Variants in CCDC25 observed in about 807,000 individuals in gnomAD.
CCDC25 encodes the protein coiled-coil domain-containing protein 25.
In CCDC25, 16 loss-of-function variants were observed where a neutral mutation model predicts 35.3. The observed-to-expected ratio is 0.45, with a 90% CI of 0.31 to 0.69. The LOEUF (loss-of-function observed/expected upper bound fraction) is 0.69. Among genes scored for constraint, CCDC25 ranks in the 30% least tolerant of loss-of-function variants. The pLI is 0.06. For missense variants in CCDC25, 179 were observed against 250.7 expected (o/e 0.71, Z 1.93); for synonymous variants, 79 against 80.3 (o/e 0.98, Z 0.09).
At chr8:27,754,499 T>C (rs1044213009) in intron 4 of CCDC25, 1 of 152,356 alleles carries the variant, frequency 6.6e-6, no homozygotes, top group African/African-American at 2.4e-5. Context: ...TTTTTGTTGT[T>C]GTTGTTCTTG....
At chr8:27,760,364 A>C (rs1393546950) in intron 3 of CCDC25, among the ~76,000 whole-genome samples, 1 of 152,166 alleles carries the variant, frequency 6.6e-6, no homozygotes, top group Non-Finnish European at 1.5e-5. Flanking sequence ...ATAGGTTAAA[A>C]ATTTCCATCA....
intron 3 of CCDC25, among the ~76,000 whole-genome samples, chr8:27,758,030 A>G (rs1403616440): frequency 1.3e-5 from 2 of 152,160 alleles, no homozygotes; most frequent in Non-Finnish European, 2.9e-5. Flanking sequence ...AGACACTGCC[A>G]TGCTTCCTGT....
Position 27,762,410 on chromosome 8 carries a change from GTTAC to G in CCDC25, c.116+5_116+8del, listed in dbSNP as rs1304501093. The G allele has an allele frequency of 6.2e-7, 1 of 1,612,596 alleles. No individual in the cohort carries two copies. Among genetic ancestry groups the G allele is most frequent in the African/African-American group, 1.3e-5 (1 of 74,970 alleles). On this transcript the variant is annotated splice_donor_5th_base_variant and intron_variant, in intron 3 of 8. Coordinates refer to ENST00000356537, the MANE Select transcript of CCDC25 (RefSeq NM_018246.3). ...ATCTACAGAGGGCAGAACCAAAATTGTTACTTACCAGATATCTTCAGGCCAGCCA... is the reference window on the plus strand; with the variant it reads ...ATCTACAGAGGGCAGAACCAAAATTGTTACCAGATATCTTCAGGCCAGCCA...
At chr8:27,738,843 G>C (rs1045466425) in intron 8 of CCDC25, among the ~76,000 whole-genome samples, 1 of 152,138 alleles carries the variant, frequency 6.6e-6, no homozygotes, top group Non-Finnish European at 1.5e-5. Context: ...TGTTCCAATA[G>C]TTTCAAGAAA....
rs1438327545 is a variant in CCDC25, at chr8:27,735,668, C to T, written c.*548G>A. ...GGACAGACTGCACTGAGGGTCACTA[C>T]ACTAACAGACCCAGATGACACGATG... is the stretch of plus-strand genomic sequence containing the variant. On this transcript the variant is annotated 3_prime_UTR_variant, in exon 9 of 9. Coordinates refer to ENST00000356537, the MANE Select transcript of CCDC25 (RefSeq NM_018246.3). 3 of 153,112 alleles carry T rather than the reference C, an allele frequency of 2.0e-5. No individual in the cohort carries two copies. The highest frequency in any genetic ancestry group is 7.2e-5 in the African/African-American group (3 of 41,454). 9.5% of individuals were successfully genotyped at this position (153,112 alleles called of 1,614,324 possible). A position where few individuals can be genotyped will look rare whatever the true frequency, so the allele number is the denominator to read the frequency against.
chr8:27,753,998 G>C (rs934254144), intron 4 of CCDC25, among the ~76,000 whole-genome samples: 11 of 151,874 alleles, frequency 7.2e-5, no homozygotes, highest in East Asian at 1.9e-4. Flanking sequence ...AACCCAAAAG[G>C]GTTTTGGAAA....
At chr8:27,747,378 A>G (rs1185817616) in intron 7 of CCDC25, among the ~76,000 whole-genome samples, 1 of 152,218 alleles carries the variant, frequency 6.6e-6, no homozygotes, top group East Asian at 1.9e-4. Flanking sequence ...CTCAAAGCTG[A>G]AAGGGAAGAT....
intron 2 of CCDC25, 35 bp from the exon 3 acceptor site, chr8:27,762,493 A>G: frequency 6.2e-7 from 1 of 1,600,760 alleles, no homozygotes; most frequent in South Asian, 1.1e-5. Context: ...AGAAACAAAA[A>G]CTGTCAAATG....
chr8:27,756,623 C>G, intron 4 of CCDC25, 96 bp downstream of exon 4: 1 of 854,262 alleles, frequency 1.2e-6, no homozygotes, highest in East Asian at 2.5e-5. Flanking sequence ...TGCGTACCAA[C>G]TTATTACTGT....
intron 7 of CCDC25, among the ~76,000 whole-genome samples, chr8:27,744,382 T>C (rs911722222): frequency 6.6e-5 from 10 of 152,140 alleles, no homozygotes; most frequent in South Asian, 2.1e-4. Flanking sequence ...GGATGCACGA[T>C]TGCTTCCCTG....
Position 27,747,815 on chromosome 8 carries a change from C to T in CCDC25, c.551+262G>A, listed in dbSNP as rs375855084. ...ACAAACCAAACCAAACTAGGGATAA[C>T]CTATGAAGGTTTCTCTATGAATAAA... On this transcript the variant is annotated intron_variant, in intron 7 of 8. Transcript: ENST00000356537. 39 of 462,920 alleles carry T rather than the reference C, an allele frequency of 8.4e-5. No individual in the cohort carries two copies. The South Asian group carries it at 9.6e-4, about 11-fold the overall frequency. 28.7% of individuals were successfully genotyped at this position (462,920 alleles called of 1,614,324 possible).
At chr8:27,744,140 T>C (rs1803528841) in intron 7 of CCDC25, among the ~76,000 whole-genome samples, 1 of 152,216 alleles carries the variant, frequency 6.6e-6, no homozygotes, top group Admixed American at 6.5e-5. Context: ...TAAATGCTTG[T>C]AATTTCTGAA....
chr8:27,762,881 TAAAAC>T (rs1563458092), intron 2 of CCDC25, among the ~76,000 whole-genome samples: 2 of 152,084 alleles, frequency 1.3e-5, no homozygotes, highest in East Asian at 1.9e-4. Context: ...ACAGAAAATT[TAAAAC>T]AAAACAAACA....
At position 27,737,320 on chromosome 8, in the gene CCDC25, G is replaced by C. The variant is rs531810541; in HGVS notation, c.598-1075C>G. Among the ~76,000 whole-genome samples the C allele has an allele frequency of 6.6e-6, 1 of 152,174 alleles. No individual in the cohort carries two copies. Among genetic ancestry groups the C allele is most frequent in the African/African-American group, 2.4e-5 (1 of 41,444 alleles). Reference sequence around the variant, plus strand: ...TAGCAATGTTTGAAAGAGTCATTTAGTATCTTCAAATGCCAGCTTTAGATC... The same window carrying C: ...TAGCAATGTTTGAAAGAGTCATTTACTATCTTCAAATGCCAGCTTTAGATC... On this transcript the variant is annotated intron_variant, in intron 8 of 8. Transcript: ENST00000356537. This position sits in a 1 kb window ranked among gnomAD's most constrained non-coding sequence, Gnocchi z 4.6.
chr8:27,762,673 T>C (rs1162470883), intron 2 of CCDC25, among the ~76,000 whole-genome samples: 2 of 152,098 alleles, frequency 1.3e-5, no homozygotes, highest in Non-Finnish European at 2.9e-5. Flanking sequence ...TAAATTTATA[T>C]AATACTTCTA....
At chr8:27,772,142 C>A (rs1585384619) in intron 1 of CCDC25, 1 of 332,300 alleles carries the variant, frequency 3.0e-6, no homozygotes, top group East Asian at 6.0e-5. Flanking sequence ...TACAAGGGTT[C>A]AGCCAGAACA....
chr8:27,736,098 G>A lies in CCDC25; in HGVS notation c.*118C>T, dbSNP rs1803213796. On this transcript the variant is annotated 3_prime_UTR_variant, in exon 9 of 9. Transcript: ENST00000356537. ...AAACTTGAAAATCAATAATTTCTGGGTAGGATGAAGGTAGAATTTTGGTTG... is the reference window on the plus strand; with the variant it reads ...AAACTTGAAAATCAATAATTTCTGGATAGGATGAAGGTAGAATTTTGGTTG... 1.1e-6 allele frequency: 1 copy of A among 894,210 alleles called. No homozygotes were observed. Among genetic ancestry groups the A allele is most frequent in the Non-Finnish European group, 1.7e-6 (1 of 585,998 alleles). The allele number at this position is 894,210 out of a possible 1,614,324, so 55.4% of individuals were successfully genotyped here. A position where few individuals can be genotyped will look rare whatever the true frequency, so the allele number is the denominator to read the frequency against.
chr8:27,765,182 T>C (rs759288100), intron 2 of CCDC25, 22 bp downstream of exon 2: 1 of 1,498,660 alleles, frequency 6.7e-7, no homozygotes, highest in South Asian at 1.2e-5. Context: ...AATTTCAAAA[T>C]CAAATGCTTT....
chr8:27,750,445 G>A (rs921899875), intron 5 of CCDC25, among the ~76,000 whole-genome samples: 2 of 152,208 alleles, frequency 1.3e-5, no homozygotes, highest in East Asian at 3.8e-4. Flanking sequence ...GGCCAGGCAT[G>A]TAATTAACAC....
Sources: gnomAD v4.1 joint callset for allele counts (sites outside exome capture counted in the v4.1 genomes callset) on GRCh38, gnomAD v4.1.1 for gene constraint, Gnocchi (gnomAD v3.1) non-coding constraint, MANE v1.5 for transcripts, NCBI Gene and HGNC (gene_info 2026-07-23, HGNC 2026-07-21) for gene names.